SLC35F4: variants seen among roughly 807,000 people sequenced by gnomAD.
SLC35F4 encodes solute carrier family 35 member F4.
In SLC35F4, 24 loss-of-function variants were observed where a neutral mutation model predicts 44.2. The observed-to-expected ratio is 0.54, with a 90% confidence interval of 0.39 to 0.76. The LOEUF (loss-of-function observed/expected upper bound fraction) is 0.76. Ranked by LOEUF, SLC35F4 falls within the 30% of genes least tolerant of loss-of-function variation. The pLI is 0.00. For missense variants in SLC35F4, 562 were observed against 586.1 expected, an observed-to-expected ratio of 0.96 and a Z score of 0.42; for synonymous variants, 238 against 223.6, an observed-to-expected ratio of 1.06 and a Z score of -0.57.
At chr14:57,638,839 T>C (rs2073113051) in intron 1 of SLC35F4, among the ~76,000 whole-genome samples, 5 of 152,148 alleles carry the variant, frequency 3.3e-5, no homozygotes, top group Admixed American at 2.6e-4. Flanking sequence ...CTACATAGTT[T>C]AGGTCAGAGG....
chr14:57,636,898 A>G (rs2073037661), intron 1 of SLC35F4, among the ~76,000 whole-genome samples: 2 of 152,088 alleles, frequency 1.3e-5, no homozygotes, highest in Non-Finnish European at 2.9e-5. Flanking sequence ...TTATTTTTAC[A>G]TTATAAAAAG....
chr14:57,873,459 A>G (rs1481540192), intron 1 of SLC35F4, among the ~76,000 whole-genome samples: 1 of 152,212 alleles, frequency 6.6e-6, no homozygotes, highest in Non-Finnish European at 1.5e-5. Flanking sequence ...CAATGTATCC[A>G]TTGGGTAGAA....
chr14:57,668,779 G>T (rs1468918453), intron 1 of SLC35F4, among the ~76,000 whole-genome samples: 1 of 152,064 alleles, frequency 6.6e-6, no homozygotes, highest in Non-Finnish European at 1.5e-5. Context: ...CTCCAGCTTT[G>T]TTCTTTTGGC....
At chr14:57,899,587 G>T (rs754799574) in intron 1 of SLC35F4, among the ~76,000 whole-genome samples, 19 of 152,168 alleles carry the variant, frequency 1.2e-4, no homozygotes, top group Non-Finnish European at 2.8e-4. Flanking sequence ...GTCTGAAACT[G>T]GATTAAGCGA....
chr14:57,722,872 C>T (rs2076118648), intron 1 of SLC35F4, among the ~76,000 whole-genome samples: 1 of 152,102 alleles, frequency 6.6e-6, no homozygotes, highest in African/African-American at 2.4e-5. Flanking sequence ...CAGACTTGAG[C>T]TGGTTTACAG....
At chr14:57,622,464 A>G (rs1183816870) in intron 1 of SLC35F4, among the ~76,000 whole-genome samples, 1 of 149,336 alleles carries the variant, frequency 6.7e-6, no homozygotes, top group African/African-American at 2.5e-5. Flanking sequence ...TGTGGCACAT[A>G]TACACCATGG....
chr14:57,784,794 C>A (rs1332296794), intron 1 of SLC35F4, among the ~76,000 whole-genome samples: 1 of 152,124 alleles, frequency 6.6e-6, no homozygotes, highest in Non-Finnish European at 1.5e-5. Flanking sequence ...CCTCCCCTTC[C>A]ACCTCTGCCA....
At chr14:57,809,560 A>G (rs1350530733) in intron 1 of SLC35F4, among the ~76,000 whole-genome samples, 3 of 152,354 alleles carry the variant, frequency 2.0e-5, no homozygotes, top group South Asian at 4.1e-4. Context: ...ATTGGACCAT[A>G]GTGTGAAGTG....
intron 1 of SLC35F4, among the ~76,000 whole-genome samples, chr14:57,773,839 C>T (rs375264273): frequency 1.3e-5 from 2 of 152,194 alleles, no homozygotes; most frequent in Admixed American, 6.5e-5. Flanking sequence ...AACTCTAGGC[C>T]CTGAGAAATT....
intron 1 of SLC35F4, among the ~76,000 whole-genome samples, chr14:57,979,153 C>T (rs1881301094): frequency 1.3e-5 from 2 of 152,112 alleles, no homozygotes; most frequent in Admixed American, 6.5e-5. Flanking sequence ...TGAAGGCTGG[C>T]TGAGAGTGAG....
intron 1 of SLC35F4, among the ~76,000 whole-genome samples, chr14:57,688,989 G>A (rs966723061): frequency 2.0e-5 from 3 of 152,044 alleles, no homozygotes; most frequent in African/African-American, 7.2e-5. Flanking sequence ...CAAAGTTACT[G>A]TGTACCTATT....
chr14:57,698,931 C>T (rs2075458537), intron 1 of SLC35F4, among the ~76,000 whole-genome samples: 1 of 152,068 alleles, frequency 6.6e-6, no homozygotes. Context: ...TGGCCATGAA[C>T]ATGTTACTTT....
At chr14:57,668,448 G>T (rs988263837) in intron 1 of SLC35F4, among the ~76,000 whole-genome samples, 3 of 151,986 alleles carry the variant, frequency 2.0e-5, no homozygotes, top group Non-Finnish European at 4.4e-5. Context: ...TTCTTCTAGG[G>T]TTTTTATGGT....
intron 1 of SLC35F4, among the ~76,000 whole-genome samples, chr14:57,685,560 T>TA (rs1222229280): frequency 6.6e-6 from 1 of 152,234 alleles, no homozygotes; most frequent in Non-Finnish European, 1.5e-5. Context: ...TTTCCTATTC[T>TA]ATTTTATTTG....
intron 1 of SLC35F4, among the ~76,000 whole-genome samples, chr14:57,952,346 G>A (rs1890156977): frequency 6.6e-6 from 1 of 152,062 alleles, no homozygotes; most frequent in South Asian, 2.1e-4. Flanking sequence ...AGCACAAAAA[G>A]GCTGAAAATT....
At chr14:57,567,363 G>T (rs747329966) in intron 6 of SLC35F4, among the ~76,000 whole-genome samples, 1 of 152,162 alleles carries the variant, frequency 6.6e-6, no homozygotes, top group Non-Finnish European at 1.5e-5. Flanking sequence ...GTTAACAATT[G>T]TAAAATGTCC....
intron 4 of SLC35F4, among the ~76,000 whole-genome samples, chr14:57,574,103 G>C (rs765993953): frequency 6.6e-6 from 1 of 152,244 alleles, no homozygotes; most frequent in Non-Finnish European, 1.5e-5. Context: ...ATCCTGTCTA[G>C]AAAAGGACAG....
At chr14:57,852,992 T>A (rs1566905677) in intron 1 of SLC35F4, among the ~76,000 whole-genome samples, 1 of 152,194 alleles carries the variant, frequency 6.6e-6, no homozygotes, top group Non-Finnish European at 1.5e-5. Context: ...ATAGCAAACC[T>A]CAGACTGCAG....
rs889022993 is a variant in SLC35F4 at position 57,675,692 on chromosome 14, A to C, written c.104-81568T>G. 2.0e-5 allele frequency among the ~76,000 whole-genome samples: 3 copies of C among 152,010 alleles called. No individual in the cohort carries two copies. The East Asian group carries it at 5.8e-4, about 29-fold the overall frequency. On this transcript the variant is annotated intron_variant, in intron 1 of 7. Transcript: ENST00000556826. ...TATTACTTTGAGGTAAGTCCCTTCT[A>C]TGACTGTTTTGTTGAGGGTTTTTAT...
Sources: gnomAD v4.1 joint callset for allele counts (sites outside exome capture counted in the v4.1 genomes callset) on GRCh38, gnomAD v4.1.1 for gene constraint, MANE v1.5 for transcripts, NCBI Gene and HGNC (gene_info 2026-07-23, HGNC 2026-07-21) for gene names.